The following LRP8 variants were observed in gnomAD, a reference collection of about 807,000 sequenced individuals.
The protein encoded by LRP8 is low-density lipoprotein receptor-related protein 8.
In LRP8, 46 loss-of-function variants were observed where a neutral mutation model predicts 111.6. That is an observed-to-expected ratio of 0.41 (90% CI 0.33 to 0.53). LRP8 has a LOEUF of 0.53. LRP8 is among the 20% of genes least tolerant of loss of function. The pLI is 0.20. For missense variants in LRP8, 959 were observed against 1,297.4 expected, an observed-to-expected ratio of 0.74 and a Z score of 4.01; for synonymous variants, 464 against 511.2, an observed-to-expected ratio of 0.91 and a Z score of 1.24.
intron 2 of LRP8, among the ~76,000 whole-genome samples, chr1:53,298,174 C>T (rs1484723727): frequency 6.6e-6 from 1 of 152,236 alleles, no homozygotes; most frequent in Non-Finnish European, 1.5e-5. Context: ...CTCTCAGATA[C>T]TGCCGGACCC....
intron 2 of LRP8, among the ~76,000 whole-genome samples, chr1:53,322,144 G>A (rs1572700693): frequency 6.6e-6 from 1 of 151,562 alleles, no homozygotes; most frequent in African/African-American, 2.4e-5. Context: ...GCCATTCACT[G>A]AACACCTCCT....
Position 53,250,475 on chromosome 1 carries a change from AAAG to A in LRP8, c.2676+212_2676+214del, listed in dbSNP as rs927294748. ...GTTTTTGATAAATGTTTGAGGAAGG[AAAG>A]AAGGAGGAAGGGAAGGAGGGAGGAA... On this transcript the variant is annotated intron_variant, in intron 17 of 18. Transcript: ENST00000306052. This position sits in a 1 kb window ranked among gnomAD's most constrained non-coding sequence, Gnocchi z 4.6. Among the ~76,000 whole-genome samples the A allele has an allele frequency of 4.0e-5, 6 of 151,742 alleles. No homozygotes were observed. Among genetic ancestry groups the A allele is most frequent in the African/African-American group, 7.3e-5 (3 of 41,234 alleles).
chr1:53,316,868 C>T (rs1288475), intron 2 of LRP8, among the ~76,000 whole-genome samples: 67,276 of 152,056 alleles, frequency 0.44, 18,744 homozygotes, highest in African/African-American at 0.8. Flanking sequence ...GGGGGCAGGC[C>T]AGGAAGAGAG....
chr1:53,320,168 T>C (rs1453876494), intron 2 of LRP8, among the ~76,000 whole-genome samples: 1 of 152,254 alleles, frequency 6.6e-6, no homozygotes, highest in Non-Finnish European at 1.5e-5. Context: ...GTGAGTATTT[T>C]AGATGACTTC....
rs773778855 is a variant in LRP8 at position 53,258,395 on chromosome 1, G to C, written c.2133C>G (p.Ser711=). The change falls in exon 14 of 19, where the codon TCC becomes TCG. Residue 711 remains serine (S), a synonymous_variant. Coordinates refer to ENST00000306052, the MANE Select transcript of LRP8 (RefSeq NM_004631.5). ...EYLCLPAPQI[S]SHSPKYTCAC... ...CACATGTGTACTTGGGAGAGTGGCT[G>C]GAGATCTGAGGAGCAGGAAGGCACA... is the stretch of plus-strand genomic sequence containing the variant. 1 of 1,614,078 alleles carries C rather than the reference G, an allele frequency of 6.2e-7. No individual in the cohort carries two copies. The highest frequency in any genetic ancestry group is 1.7e-5 in the Admixed American group (1 of 60,014).
intron 2 of LRP8, among the ~76,000 whole-genome samples, chr1:53,324,221 G>A (rs1244386163): frequency 6.6e-6 from 1 of 152,152 alleles, no homozygotes; most frequent in Non-Finnish European, 1.5e-5. Context: ...CCTCAGGGAC[G>A]AGCCAACAGC....
At position 53,326,979 on chromosome 1, in the gene LRP8, A is replaced by C. The variant is rs3820198; in HGVS notation, c.138T>G (p.Asp46Glu). 620,421 of 1,613,024 alleles carry C rather than the reference A, an allele frequency of 0.38. 129,517 individuals carry two copies. The highest frequency in any genetic ancestry group is 0.85 in the African/African-American group (63,974 of 75,012). The change falls in exon 2 of 19, where the codon GAT becomes GAG. Residue 46 changes from aspartate to glutamate, a missense_variant. Asp to Glu is a conservative substitution (Grantham distance 45). Around this residue, in one of 3 missense-constraint regions of LRP8, gnomAD observed 97 missense variants for 107.5 expected, o/e 0.90. Coordinates refer to ENST00000306052, the MANE Select transcript of LRP8 (RefSeq NM_004631.5). The part of the protein sequence containing the change: ...PLLGGQGPAK[D>E]CEKDQFQCRN... The stretch of plus-strand genomic sequence containing the variant: ...GGCACTGGAATTGGTCCTTTTCGCA[A>C]TCCTTGGCCGGCCCTGCGAGGGGGA...
chr1:53,273,837 T>C (rs1646833384), intron 6 of LRP8, among the ~76,000 whole-genome samples: 1 of 152,120 alleles, frequency 6.6e-6, no homozygotes, highest in Admixed American at 6.5e-5. Flanking sequence ...GAACCTCCTC[T>C]AAGCACCCAG....
chr1:53,314,496 A>G (rs1390065788), intron 2 of LRP8, among the ~76,000 whole-genome samples: 1 of 152,238 alleles, frequency 6.6e-6, no homozygotes, highest in Non-Finnish European at 1.5e-5. Flanking sequence ...GCAGGTAGGA[A>G]GGGACATGGG....
intron 6 of LRP8, chr1:53,272,526 T>G: frequency 8.0e-7 from 1 of 1,255,754 alleles, no homozygotes; most frequent in South Asian, 1.3e-5. Flanking sequence ...TGGTCTGAGC[T>G]GCCCACCCCA....
Position 53,246,026 on chromosome 1 carries a change from C to T in LRP8, c.*992G>A, listed in dbSNP as rs1645718054. ...TTACTCAAAGAGCTGAACTTTAAAA[C>T]AAGGAGTAGCTGAGGGTGAGGCATA... On this transcript the variant is annotated 3_prime_UTR_variant, in exon 19 of 19. Coordinates refer to ENST00000306052, the MANE Select transcript of LRP8 (RefSeq NM_004631.5). 1 of 152,306 alleles carries T rather than the reference C, an allele frequency of 6.6e-6. No homozygotes were observed. The highest frequency in any genetic ancestry group is 2.4e-5 in the African/African-American group (1 of 41,456). The allele number at this position is 152,306 out of a possible 1,614,324, so 9.4% of individuals were successfully genotyped here.
intron 2 of LRP8, among the ~76,000 whole-genome samples, chr1:53,318,812 T>C (rs59327343): frequency 0.046 from 6,971 of 152,168 alleles, 398 homozygotes; most frequent in African/African-American, 0.13. Context: ...CATATGTTCA[T>C]GCCCAAGAGC....
intron 2 of LRP8, among the ~76,000 whole-genome samples, chr1:53,292,505 A>G (rs1648970491): frequency 6.6e-6 from 1 of 152,248 alleles, no homozygotes; most frequent in African/African-American, 2.4e-5. Flanking sequence ...GGTAAATCAT[A>G]GTCCATAATC....
chr1:53,293,284 G>T lies in LRP8; in HGVS notation c.245-3595C>A, dbSNP rs2100472894. Among the ~76,000 whole-genome samples the T allele has an allele frequency of 6.6e-6, 1 of 152,362 alleles. No homozygotes were observed. The highest frequency in any genetic ancestry group is 2.1e-4 in the South Asian group (1 of 4,828). ...GTCCCAAAGGGCAGCTTTGAGGTCAGCCCCGCCCAGGAAATGGCAGCTGCA... is the reference window on the plus strand; with the variant it reads ...GTCCCAAAGGGCAGCTTTGAGGTCATCCCCGCCCAGGAAATGGCAGCTGCA... On this transcript the variant is annotated intron_variant, in intron 2 of 18. Coordinates refer to ENST00000306052, the MANE Select transcript of LRP8 (RefSeq NM_004631.5). This position sits in a 1 kb window ranked among gnomAD's most constrained non-coding sequence, Gnocchi z 4.9.
At chr1:53,269,610 C>A (rs909362618) in intron 8 of LRP8, among the ~76,000 whole-genome samples, 12 of 152,214 alleles carry the variant, frequency 7.9e-5, no homozygotes, top group Middle Eastern at 3.4e-3. Flanking sequence ...CCACCACACC[C>A]ACCCCCCTTC....
intron 2 of LRP8, among the ~76,000 whole-genome samples, chr1:53,291,181 G>A (rs1416971318): frequency 1.3e-5 from 2 of 152,144 alleles, no homozygotes; most frequent in African/African-American, 2.4e-5. Context: ...TAAGCTTTCA[G>A]GTGTGGTAGT....
Position 53,262,440 on chromosome 1 carries a change from G to T in LRP8, c.1774+6C>A. On this transcript the variant is annotated splice_donor_region_variant and intron_variant, in intron 11 of 18. Transcript: ENST00000306052. The surrounding 1 kb of genome is among the most constrained non-coding windows in gnomAD (Gnocchi z 4.8). ...AGGCCCCCAACCCAGGAAAGGCAGGGCTCACCCAGGGTGATTCCGTTGGGC... is the reference window on the plus strand; with the variant it reads ...AGGCCCCCAACCCAGGAAAGGCAGGTCTCACCCAGGGTGATTCCGTTGGGC... The T allele has an allele frequency of 6.2e-7, 1 of 1,612,676 alleles. No individual in the cohort carries two copies. Among genetic ancestry groups the T allele is most frequent in the Non-Finnish European group, 8.5e-7 (1 of 1,179,040 alleles).
At chr1:53,269,323 AT>A (rs909395152) in intron 8 of LRP8, among the ~76,000 whole-genome samples, 53 of 147,072 alleles carry the variant, frequency 3.6e-4, no homozygotes, top group East Asian at 1.2e-3. Context: ...TATTATTATT[AT>A]TTTTTTTTTT....
At chr1:53,322,574 G>C (rs1438984406) in intron 2 of LRP8, among the ~76,000 whole-genome samples, 1 of 152,010 alleles carries the variant, frequency 6.6e-6, no homozygotes, top group African/African-American at 2.4e-5. Flanking sequence ...ACAGGAGCAG[G>C]TCACAGAGGG....
Sources: allele counts gnomAD v4.1 joint callset (sites outside exome capture counted in the v4.1 genomes callset), GRCh38; gene constraint gnomAD v4.1.1; regional missense constraint gnomAD v4.1.1; non-coding constraint Gnocchi (gnomAD v3.1); transcripts MANE v1.5; gene names NCBI Gene and HGNC (gene_info 2026-07-23, HGNC 2026-07-21).